AGBL2: variants seen among roughly 807,000 people sequenced by gnomAD.
The protein encoded by AGBL2 is cytosolic carboxypeptidase 2.
In AGBL2, 87 loss-of-function variants were observed where a neutral mutation model predicts 103.0. That is an observed-to-expected ratio of 0.84 (90% CI 0.71 to 1.01). AGBL2 has a LOEUF of 1.01. Among genes scored for constraint, AGBL2 ranks in the 50% least tolerant of loss-of-function variants. The pLI, the probability that AGBL2 is intolerant of heterozygous loss-of-function variation, is 0.00. For missense variants in AGBL2, 904 were observed against 1,023.5 expected, an observed-to-expected ratio of 0.88 and a Z score of 1.59; for synonymous variants, 335 against 356.7, an observed-to-expected ratio of 0.94 and a Z score of 0.69.
intron 8 of AGBL2, among the ~76,000 whole-genome samples, chr11:47,692,709 G>A (rs2097452889): frequency 6.6e-6 from 1 of 151,866 alleles, no homozygotes; most frequent in Admixed American, 6.6e-5. Flanking sequence ...ACCACGCCTG[G>A]CCATCCAACA....
At chr11:47,704,441 C>G (rs1329985661) in intron 7 of AGBL2, 102 bp downstream of exon 7, 4 of 1,003,506 alleles carry the variant, frequency 4.0e-6, no homozygotes, top group Non-Finnish European at 5.8e-6. Context: ...TGAGATTGCG[C>G]CATTGCACTC....
At chr11:47,705,656 AAG>A (rs2097515786) in intron 5 of AGBL2, 22 bp from the exon 6 acceptor site, 2 of 563,416 alleles carry the variant, frequency 3.5e-6, no homozygotes, top group Non-Finnish European at 3.2e-6. Context: ...AAAAAAAAAA[AAG>A]AAAAAGAAAA....
At chr11:47,673,807 A>G (rs964670045) in intron 14 of AGBL2, among the ~76,000 whole-genome samples, 11 of 148,820 alleles carry the variant, frequency 7.4e-5, no homozygotes, top group Non-Finnish European at 7.4e-5. Context: ...AAAAAAAAAA[A>G]AAAAAAAATT....
intron 12 of AGBL2, among the ~76,000 whole-genome samples, chr11:47,681,762 T>C (rs529673401): frequency 6.6e-6 from 1 of 152,298 alleles, no homozygotes; most frequent in South Asian, 2.1e-4. Flanking sequence ...CTGGCCTGAT[T>C]CCAGGTCTTT....
chr11:47,706,376 C>T (rs1345923392), intron 4 of AGBL2, among the ~76,000 whole-genome samples: 4 of 151,976 alleles, frequency 2.6e-5, no homozygotes, highest in African/African-American at 4.8e-5. Flanking sequence ...ATTAGCCCGG[C>T]GTGGTGGCAG....
At chr11:47,690,924 A>G in intron 9 of AGBL2, 66 bp from the exon 10 acceptor site, 2 of 1,340,632 alleles carry the variant, frequency 1.5e-6, no homozygotes, top group Non-Finnish European at 1.0e-6. Context: ...AATTGGGAAA[A>G]TGTTGTTTTC....
intron 8 of AGBL2, among the ~76,000 whole-genome samples, chr11:47,694,702 AAAAAG>A (rs1451143307): frequency 6.6e-6 from 1 of 152,202 alleles, no homozygotes; most frequent in Non-Finnish European, 1.5e-5. Flanking sequence ...GAGAAAGGTA[AAAAAG>A]AGTCACGACC....
chr11:47,687,807 CTTT>C (rs369461728), intron 10 of AGBL2, among the ~76,000 whole-genome samples: 2 of 138,530 alleles, frequency 1.4e-5, no homozygotes, highest in Non-Finnish European at 3.1e-5. Context: ...TTCTTTCTTT[CTTT>C]TTTTTTTTTT....
intron 18 of AGBL2, 84 bp from the exon 19 acceptor site, chr11:47,660,430 A>T (rs1229014149): frequency 2.3e-6 from 3 of 1,277,788 alleles, no homozygotes; most frequent in Non-Finnish European, 3.3e-6. Context: ...TTGGCTTTAC[A>T]AGGAGCTGGT....
At chr11:47,700,120 G>A (rs1421483444) in intron 7 of AGBL2, among the ~76,000 whole-genome samples, 2 of 151,956 alleles carry the variant, frequency 1.3e-5, no homozygotes, top group Non-Finnish European at 2.9e-5. Context: ...ACCACTCCCG[G>A]CTAATTTTGT....
chr11:47,703,207 A>T (rs1487912384), intron 7 of AGBL2, among the ~76,000 whole-genome samples: 1 of 152,160 alleles, frequency 6.6e-6, no homozygotes, highest in African/African-American at 2.4e-5. Context: ...CAAGACTGGT[A>T]AAAATACCAC....
At chr11:47,675,539 C>T (rs1028914904) in intron 14 of AGBL2, among the ~76,000 whole-genome samples, 3 of 151,852 alleles carry the variant, frequency 2.0e-5, no homozygotes, top group African/African-American at 7.3e-5. Context: ...CAGGCATGTG[C>T]CACCACACCC....
chr11:47,690,090 C>T lies in AGBL2; in HGVS notation c.1617G>A (p.Arg539=), dbSNP rs138957877. The stretch of plus-strand genomic sequence containing the variant: ...AAAAGTCTCACCTTTTGATCATGTT[C>T]CTGGTGTACCAAATACAAGGGAAAG... ...KESFPCIWYT[R]NMIKRLLEER... Residue 539 remains arginine (R), a synonymous_variant, in exon 10 of 19, where the codon AGG becomes AGA. Transcript: ENST00000525123. 2.6e-3 allele frequency: 4,173 copies of T among 1,607,158 alleles called. 12 individuals are homozygous for T. Among genetic ancestry groups the T allele is most frequent in the Non-Finnish European group, 2.9e-3 (3,360 of 1,177,838 alleles).
intron 8 of AGBL2, among the ~76,000 whole-genome samples, chr11:47,693,101 T>C (rs911173508): frequency 3.3e-5 from 5 of 152,154 alleles, no homozygotes; most frequent in African/African-American, 1.2e-4. Context: ...TTTACAGACA[T>C]GAGCCATTGC....
At chr11:47,688,917 G>A (rs2097434411) in intron 10 of AGBL2, among the ~76,000 whole-genome samples, 1 of 151,972 alleles carries the variant, frequency 6.6e-6, no homozygotes, top group Non-Finnish European at 1.5e-5. Context: ...TCTATTTTTA[G>A]TAGAGACGAG....
chr11:47,675,375 G>GTTTTTTTTTTT lies in AGBL2; in HGVS notation c.2147+1885_2147+1895dup. Among the ~76,000 whole-genome samples, 2 of 55,100 alleles carry GTTTTTTTTTTT rather than the reference G, an allele frequency of 3.6e-5. 1 individual carries two copies. The allele number at this position is 55,100 out of a possible 152,430, so 36.1% of individuals were successfully genotyped here. On this transcript the variant is annotated intron_variant, in intron 14 of 18. Coordinates refer to ENST00000525123, the MANE Select transcript of AGBL2 (RefSeq NM_024783.4). ...GGTGCATACCCCGACCCCCTGCTAAGTTTTTTTTTTTTTTTTTTTTTTTTT... is the reference window on the plus strand; with the variant it reads ...GGTGCATACCCCGACCCCCTGCTAAGTTTTTTTTTTTTTTTTTTTTTTTTTTTTTTTTTTTT...
intron 14 of AGBL2, among the ~76,000 whole-genome samples, chr11:47,671,420 T>C (rs1171076472): frequency 1.3e-5 from 2 of 152,112 alleles, no homozygotes; most frequent in Non-Finnish European, 2.9e-5. Context: ...CTCGGGAGGC[T>C]GAGGCATGAG....
At chr11:47,685,743 C>T (rs1470787641) in intron 11 of AGBL2, 150 bp downstream of exon 11, 5 of 867,786 alleles carry the variant, frequency 5.8e-6, no homozygotes, top group East Asian at 5.4e-5. Flanking sequence ...CTTAAAACCA[C>T]GCTTTTCTAA....
rs1171058500 is a variant in AGBL2 at position 47,696,010 on chromosome 11, C to CAAAAAAAAAAAAAAAAA, written c.694+3419_694+3435dup. ...TGAAACTCCGTCTGTACTAAAAATACAAAAAAAAAAAAAAAAAAAAAAAAA... is the reference window on the plus strand; with the variant it reads ...TGAAACTCCGTCTGTACTAAAAATACAAAAAAAAAAAAAAAAAAAAAAAAAAAAAAAAAAAAAAAAAA... On this transcript the variant is annotated intron_variant, in intron 8 of 18. Coordinates refer to ENST00000525123, the MANE Select transcript of AGBL2 (RefSeq NM_024783.4). 2.8e-3 allele frequency among the ~76,000 whole-genome samples: 48 copies of CAAAAAAAAAAAAAAAAA among 17,202 alleles called. 1 individual carries two copies. Among genetic ancestry groups the CAAAAAAAAAAAAAAAAA allele is most frequent in the Non-Finnish European group, 3.2e-3 (34 of 10,740 alleles). The allele number at this position is 17,202 out of a possible 152,430, so 11.3% of individuals were successfully genotyped here. A position where few individuals can be genotyped will look rare whatever the true frequency, so the allele number is the denominator to read the frequency against.
Sources: allele counts gnomAD v4.1 joint callset (sites outside exome capture counted in the v4.1 genomes callset), GRCh38; gene constraint gnomAD v4.1.1; transcripts MANE v1.5; gene names NCBI Gene and HGNC (gene_info 2026-07-23, HGNC 2026-07-21).